UBE2D3: variants seen among roughly 807,000 people sequenced by gnomAD.
The protein encoded by UBE2D3 is ubiquitin conjugating enzyme E2 D3.
Under a neutral mutation model 22.8 loss-of-function variants are expected in UBE2D3, and 2 were observed. The observed-to-expected ratio is 0.09, with a 90% CI of 0.04 to 0.28. UBE2D3 has a LOEUF of 0.28. Among genes scored for constraint, UBE2D3 ranks in the 10% least tolerant of loss-of-function variants. The pLI is 1.00. For missense variants in UBE2D3, 27 were observed against 182.5 expected (o/e 0.15, Z 4.91); for synonymous variants, 56 against 60.4 (o/e 0.93, Z 0.34).
At chr4:102,810,693 C>T (rs1727826338) in intron 2 of UBE2D3, 1 of 152,078 alleles carries the variant, frequency 6.6e-6, no homozygotes, top group South Asian at 2.1e-4. Context: ...CTGCACAATT[C>T]AATATGAACG....
intron 1 of UBE2D3, among the ~76,000 whole-genome samples, chr4:102,856,120 T>C (rs528991176): frequency 6.6e-6 from 1 of 152,274 alleles, no homozygotes; most frequent in African/African-American, 2.4e-5. Flanking sequence ...ACTCCCAGCA[T>C]TGTGAAAGGC....
intron 1 of UBE2D3, chr4:102,868,685 G>C: frequency 6.2e-7 from 1 of 1,613,020 alleles, no homozygotes; most frequent in African/African-American, 1.3e-5. Context: ...GGGGCGAGAG[G>C]GGACGAAGTA....
chr4:102,805,946 T>C (rs1228743767), intron 4 of UBE2D3, among the ~76,000 whole-genome samples: 5 of 152,208 alleles, frequency 3.3e-5, no homozygotes, highest in Non-Finnish European at 7.4e-5. Context: ...AAGATAGTTA[T>C]CAAGTAAGAT....
chr4:102,857,643 A>G (rs925693635), intron 1 of UBE2D3, among the ~76,000 whole-genome samples: 3 of 152,170 alleles, frequency 2.0e-5, no homozygotes, highest in Admixed American at 6.5e-5. Flanking sequence ...ATGTTCTTAA[A>G]TTGTTTATTT....
At chr4:102,862,076 A>G (rs566762079) in intron 1 of UBE2D3, among the ~76,000 whole-genome samples, 2 of 151,990 alleles carry the variant, frequency 1.3e-5, no homozygotes, top group South Asian at 4.2e-4. Flanking sequence ...TTTTAGTACC[A>G]CAAAGTGTTA....
chr4:102,806,515 G>GA (rs1438064243), intron 4 of UBE2D3, among the ~76,000 whole-genome samples: 6 of 152,136 alleles, frequency 3.9e-5, no homozygotes, highest in East Asian at 1.9e-4. Context: ...AAAAAAAGTT[G>GA]AAAAAATAAT....
chr4:102,825,549 G>C lies in UBE2D3; in HGVS notation c.24+936C>G, dbSNP rs1206079150. ...AGCCGCCATCTTAAAATGCGGGATA[G>C]AAGTTAGAGCAAGAAAATGAGACTA... On this transcript the variant is annotated intron_variant, in intron 2 of 7. Coordinates refer to ENST00000453744, the MANE Select transcript of UBE2D3 (RefSeq NM_181891.3). The C allele has an allele frequency of 4.3e-5, 51 of 1,185,798 alleles. 1 individual carries two copies. The Admixed American group carries it at 1.8e-3, about 42-fold the overall frequency. The allele number at this position is 1,185,798 out of a possible 1,614,324, so 73.5% of individuals were successfully genotyped here.
At chr4:102,837,269 C>A (rs961749310) in intron 1 of UBE2D3, among the ~76,000 whole-genome samples, 1 of 152,168 alleles carries the variant, frequency 6.6e-6, no homozygotes, top group Non-Finnish European at 1.5e-5. Flanking sequence ...GATTGTTAAA[C>A]ACAGCCATTA....
At chr4:102,830,333 A>G (rs1250689804), upstream of UBE2D3, among the ~76,000 whole-genome samples, 2 of 152,254 alleles carry the variant, frequency 1.3e-5, no homozygotes, top group African/African-American at 2.4e-5. Flanking sequence ...GAAAATAATC[A>G]TGTTTTTTAT....
chr4:102,857,569 TC>T (rs1732686131), intron 1 of UBE2D3, among the ~76,000 whole-genome samples: 1 of 152,234 alleles, frequency 6.6e-6, no homozygotes, highest in Non-Finnish European at 1.5e-5. Context: ...ATATGTTGTT[TC>T]TTTTTAAAGT....
chr4:102,861,876 C>T (rs1405139760), intron 1 of UBE2D3, among the ~76,000 whole-genome samples: 1 of 151,880 alleles, frequency 6.6e-6, no homozygotes, highest in African/African-American at 2.4e-5. Context: ...GAGAAGCTTT[C>T]TTCAGAGCTC....
intron 4 of UBE2D3, among the ~76,000 whole-genome samples, chr4:102,805,920 C>A (rs1288498109): frequency 6.6e-6 from 1 of 152,202 alleles, no homozygotes; most frequent in Non-Finnish European, 1.5e-5. Flanking sequence ...ACTTCTTCCT[C>A]TCTTATCTCA....
Position 102,821,052 on chromosome 4 carries a change from A to G in UBE2D3, c.24+5433T>C, listed in dbSNP as rs560167041. On this transcript the variant is annotated intron_variant, in intron 2 of 7. Coordinates refer to ENST00000453744, the MANE Select transcript of UBE2D3 (RefSeq NM_181891.3). ...CCTTCCCTACATAACAAGGTTGAGG[A>G]TACAATTCTGAATAAATCTTATCTA... Among the ~76,000 whole-genome samples the G allele has an allele frequency of 2.6e-4, 40 of 152,316 alleles. 1 individual carries two copies. In the South Asian group the frequency reaches 2.7e-3, roughly 10 times the overall value.
At chr4:102,853,173 C>T (rs1412369394) in intron 1 of UBE2D3, among the ~76,000 whole-genome samples, 1 of 84,614 alleles carries the variant, frequency 1.2e-5, no homozygotes, top group African/African-American at 5.6e-5. Flanking sequence ...GACGGAGTTT[C>T]GCTCTGTCGC....
At chr4:102,824,156 T>C (rs1460305555) in intron 2 of UBE2D3, among the ~76,000 whole-genome samples, 31 of 152,232 alleles carry the variant, frequency 2.0e-4, no homozygotes, top group Admixed American at 2.0e-3. Context: ...GAATCAATAA[T>C]GTTCACATAA....
At chr4:102,857,056 TTAA>T (rs1463844909) in intron 1 of UBE2D3, among the ~76,000 whole-genome samples, 1 of 152,212 alleles carries the variant, frequency 6.6e-6, no homozygotes. Context: ...TGGATTTTAG[TTAA>T]TAATGTAGCA....
chr4:102,831,253 A>G (rs1731100219), upstream of UBE2D3, among the ~76,000 whole-genome samples: 1 of 152,210 alleles, frequency 6.6e-6, no homozygotes. Context: ...GTTATTTTAC[A>G]TTGTTTGCAC....
intron 2 of UBE2D3, among the ~76,000 whole-genome samples, chr4:102,816,620 T>C (rs1245791225): frequency 6.6e-6 from 1 of 152,236 alleles, no homozygotes; most frequent in Non-Finnish European, 1.5e-5. Context: ...ACCAATTATG[T>C]AGATTTTATG....
At chr4:102,821,293 A>G (rs1178996908) in intron 2 of UBE2D3, among the ~76,000 whole-genome samples, 3 of 152,218 alleles carry the variant, frequency 2.0e-5, no homozygotes, top group African/African-American at 7.2e-5. Context: ...AATACAGTAT[A>G]GAAAATTTAT....
Sources: gnomAD v4.1 joint callset for allele counts (sites outside exome capture counted in the v4.1 genomes callset) on GRCh38, gnomAD v4.1.1 for gene constraint, MANE v1.5 for transcripts, NCBI Gene and HGNC (gene_info 2026-07-23, HGNC 2026-07-21) for gene names.